The following B3GALNT2 variants were observed in gnomAD, a reference collection of about 807,000 sequenced individuals.
B3GALNT2 encodes the protein beta-1,3-N-acetylgalactosaminyltransferase 2, also known as UDP-GalNAc:beta-1,3-N-acetylgalactosaminyltransferase 2.
In B3GALNT2, 53 loss-of-function variants were observed where a neutral mutation model predicts 61.1. The observed-to-expected ratio is 0.87, with a 90% CI of 0.70 to 1.09. The LOEUF (loss-of-function observed/expected upper bound fraction) is 1.09, where lower values mean the gene tolerates loss of function less well. Among genes scored for constraint, B3GALNT2 ranks in the 50% least tolerant of loss-of-function variants. B3GALNT2 has a pLI of 0.00. For synonymous variants in B3GALNT2, 223 were observed against 237.4 expected, an observed-to-expected ratio of 0.94 and a Z score of 0.56; for missense variants, 544 against 623.0, an observed-to-expected ratio of 0.87 and a Z score of 1.35.
At chr1:235,455,488 A>G (rs1271990104) in intron 9 of B3GALNT2, 71 bp downstream of exon 9, 10 of 1,482,582 alleles carry the variant, frequency 6.7e-6, no homozygotes, top group Non-Finnish European at 9.3e-6. Context: ...AAAAAAAAAG[A>G]TATTTTATGC....
In B3GALNT2 at chr1:235,454,335, G is replaced by A. The variant is rs754101273; in HGVS notation, c.1152-20C>T. On this transcript the variant is annotated intron_variant, in intron 9 of 11. Transcript: ENST00000366600. Reference sequence around the variant, plus strand: ...CTGAAACTGAGATGAAAAATAATGTGGCCTCTTGTGTTAGTCTGACACATA... The same window carrying A: ...CTGAAACTGAGATGAAAAATAATGTAGCCTCTTGTGTTAGTCTGACACATA... The A allele has an allele frequency of 6.3e-7, 1 of 1,595,988 alleles. No homozygotes were observed. The highest frequency in any genetic ancestry group is 2.2e-5 in the East Asian group (1 of 44,492).
At chr1:235,474,596 G>T (rs1684149461) in intron 5 of B3GALNT2, among the ~76,000 whole-genome samples, 1 of 152,042 alleles carries the variant, frequency 6.6e-6, no homozygotes, top group African/African-American at 2.4e-5. Flanking sequence ...GAGGTGGGTG[G>T]ATCACCTGAG....
At chr1:235,465,989 TC>T (rs1276486785) in intron 6 of B3GALNT2, among the ~76,000 whole-genome samples, 3 of 152,152 alleles carry the variant, frequency 2.0e-5, no homozygotes, top group Admixed American at 6.6e-5. Flanking sequence ...TACTTGCTAC[TC>T]TAGTAGTACA....
chr1:235,503,288 G>A (rs573623756), intron 1 of B3GALNT2, among the ~76,000 whole-genome samples: 123 of 152,330 alleles, frequency 8.1e-4, no homozygotes, highest in African/African-American at 2.9e-3. Flanking sequence ...TCATGTTCTA[G>A]GGCAAGCCCT....
At chr1:235,483,418 G>A (rs779440450) in intron 4 of B3GALNT2, among the ~76,000 whole-genome samples, 50 of 152,122 alleles carry the variant, frequency 3.3e-4, no homozygotes, top group Non-Finnish European at 3.1e-4. Flanking sequence ...GAAACATGTA[G>A]CACGCCCTGA....
chr1:235,446,162 A>G (rs1444843997), downstream of B3GALNT2, among the ~76,000 whole-genome samples: 2 of 151,668 alleles, frequency 1.3e-5, no homozygotes, highest in Non-Finnish European at 1.5e-5. Context: ...GTACGTCAAT[A>G]TATTATAAAA....
chr1:235,443,195 TAC>T (rs61396968), downstream of B3GALNT2, among the ~76,000 whole-genome samples: 7 of 149,626 alleles, frequency 4.7e-5, no homozygotes, highest in African/African-American at 1.0e-4. Context: ...CATATATATA[TAC>T]ACACACACAC....
At chr1:235,443,137 G>C (rs1682010763), downstream of B3GALNT2, among the ~76,000 whole-genome samples, 1 of 151,458 alleles carries the variant, frequency 6.6e-6, no homozygotes. Context: ...AAGCAGTTCT[G>C]TTAAAATTGG....
chr1:235,470,060 G>C (rs1683914844), intron 6 of B3GALNT2, among the ~76,000 whole-genome samples: 1 of 151,756 alleles, frequency 6.6e-6, no homozygotes, highest in Admixed American at 6.6e-5. Flanking sequence ...ACCATGCCTG[G>C]CTAAGTTTTT....
chr1:235,470,621 G>C (rs970138792), intron 6 of B3GALNT2, among the ~76,000 whole-genome samples: 3 of 149,574 alleles, frequency 2.0e-5, no homozygotes, highest in African/African-American at 7.4e-5. Context: ...TTTTAAAAAT[G>C]CATCAATCTT....
At chr1:235,470,710 C>A in intron 6 of B3GALNT2, 140 bp downstream of exon 6, 3 of 1,273,840 alleles carry the variant, frequency 2.4e-6, no homozygotes, top group Non-Finnish European at 3.1e-6. Flanking sequence ...AAGACAACAA[C>A]ATTTGCTACT....
chr1:235,471,057 CA>C, intron 5 of B3GALNT2, 97 bp from the exon 6 acceptor site: 1 of 1,535,368 alleles, frequency 6.5e-7, no homozygotes, highest in African/African-American at 1.4e-5. Context: ...AAATTTTTCC[CA>C]AAACGTATCA....
At chr1:235,496,101 C>G (rs548662414) in intron 1 of B3GALNT2, 1 of 154,580 alleles carries the variant, frequency 6.5e-6, no homozygotes, top group Non-Finnish European at 1.4e-5. Flanking sequence ...CACCTGAGGT[C>G]GGGAGTTCAA....
chr1:235,488,419 C>T (rs912821875), intron 3 of B3GALNT2, among the ~76,000 whole-genome samples: 6 of 152,068 alleles, frequency 3.9e-5, no homozygotes, highest in Non-Finnish European at 7.4e-5. Context: ...TATGGTGGCT[C>T]ATGCCTGTAA....
At chr1:235,468,894 A>T (rs925522603) in intron 6 of B3GALNT2, among the ~76,000 whole-genome samples, 1 of 152,238 alleles carries the variant, frequency 6.6e-6, no homozygotes, top group Non-Finnish European at 1.5e-5. Context: ...AAAATTTTTC[A>T]TAAGACTTAA....
At chr1:235,469,516 A>T (rs1326237546) in intron 6 of B3GALNT2, among the ~76,000 whole-genome samples, 1 of 152,194 alleles carries the variant, frequency 6.6e-6, no homozygotes, top group Admixed American at 6.5e-5. Flanking sequence ...GAGTTGCTTC[A>T]GCAAAATAAA....
At chr1:235,497,651 T>C (rs1419671462) in intron 1 of B3GALNT2, among the ~76,000 whole-genome samples, 1 of 152,220 alleles carries the variant, frequency 6.6e-6, no homozygotes, top group Non-Finnish European at 1.5e-5. Context: ...TAGAACATAA[T>C]TTAATCTTTT....
downstream of B3GALNT2, among the ~76,000 whole-genome samples, chr1:235,444,846 G>A (rs533756162): frequency 2.0e-5 from 3 of 152,240 alleles, no homozygotes; most frequent in South Asian, 2.1e-4. Context: ...GACCTGTTTC[G>A]TTAAGCTTTC....
chr1:235,462,696 A>G (rs1220752984), intron 7 of B3GALNT2, among the ~76,000 whole-genome samples: 1 of 152,252 alleles, frequency 6.6e-6, no homozygotes, highest in South Asian at 2.1e-4. Flanking sequence ...ATCAAACATC[A>G]TTGAAGGAAA....
Sources: allele counts gnomAD v4.1 joint callset (sites outside exome capture counted in the v4.1 genomes callset), GRCh38; gene constraint gnomAD v4.1.1; transcripts MANE v1.5; gene names NCBI Gene and HGNC (gene_info 2026-07-23, HGNC 2026-07-21).